Variants in METTL15 observed in about 807,000 individuals in gnomAD.
The protein encoded by METTL15 is methyltransferase 15, mitochondrial 12S rRNA N4-cytidine.
A neutral mutation model predicts 38.3 loss-of-function variants in METTL15; 34 were observed. That is an observed-to-expected ratio of 0.89 (90% CI 0.68 to 1.18). The LOEUF (loss-of-function observed/expected upper bound fraction) is 1.18. METTL15 is among the 50% of genes most tolerant of loss of function. The pLI is 0.00. For missense variants in METTL15, 438 were observed against 498.4 expected, an observed-to-expected ratio of 0.88 and a Z score of 1.15; for synonymous variants, 162 against 170.9, an observed-to-expected ratio of 0.95 and a Z score of 0.41.
At chr11:28,377,943 A>G (rs901575315) in intron 5 of METTL15, among the ~76,000 whole-genome samples, 41 of 152,004 alleles carry the variant, frequency 2.7e-4, no homozygotes, top group African/African-American at 8.9e-4. Flanking sequence ...TCCCTGCTGG[A>G]GGGTGCCTCC....
intron 6 of METTL15, among the ~76,000 whole-genome samples, chr11:28,435,976 A>G (rs899444984): frequency 1.3e-5 from 2 of 152,184 alleles, no homozygotes; most frequent in African/African-American, 2.4e-5. Flanking sequence ...TATTTTCTCT[A>G]TGTTCTTCTT....
chr11:28,151,237 A>G (rs1850078093), intron 3 of METTL15, among the ~76,000 whole-genome samples: 2 of 151,900 alleles, frequency 1.3e-5, no homozygotes, highest in Non-Finnish European at 2.9e-5. Flanking sequence ...AACTATTAGC[A>G]TACTTGACTG....
chr11:28,130,408 T>C (rs1852711286), intron 3 of METTL15, among the ~76,000 whole-genome samples: 1 of 152,074 alleles, frequency 6.6e-6, no homozygotes, highest in Admixed American at 6.6e-5. Flanking sequence ...ATCCAATAGG[T>C]AGGATAGTTT....
chr11:28,293,846 G>C (rs1285507575), intron 5 of METTL15, among the ~76,000 whole-genome samples: 12 of 152,058 alleles, frequency 7.9e-5, no homozygotes, highest in Non-Finnish European at 1.6e-4. Flanking sequence ...CTCATGATTT[G>C]GCTCTCTGTT....
intron 5 of METTL15, among the ~76,000 whole-genome samples, chr11:28,370,611 G>GT (rs909974322): frequency 2.0e-5 from 3 of 151,658 alleles, no homozygotes; most frequent in East Asian, 3.9e-4. Flanking sequence ...TTCTATTTTT[G>GT]TTTTTTTGAG....
At chr11:28,345,263 A>C (rs1229060068) in intron 3 of METTL15, among the ~76,000 whole-genome samples, 1 of 152,170 alleles carries the variant, frequency 6.6e-6, no homozygotes, top group Non-Finnish European at 1.5e-5. Context: ...ATCTCGGCCT[A>C]CTGCAACCTC....
chr11:28,490,972 ACT>A (rs1851489551), intron 6 of METTL15, among the ~76,000 whole-genome samples: 1 of 152,200 alleles, frequency 6.6e-6, no homozygotes, highest in African/African-American at 2.4e-5. Context: ...AAATAAAAAC[ACT>A]GTCTAAGTTT....
intron 3 of METTL15, among the ~76,000 whole-genome samples, chr11:28,174,676 G>A (rs540659758): frequency 9.9e-5 from 15 of 151,860 alleles, no homozygotes; most frequent in African/African-American, 1.9e-4. Flanking sequence ...ATTGCTGGGC[G>A]TGGTGGCAGG....
At chr11:28,199,371 G>C (rs904268153) in intron 3 of METTL15, among the ~76,000 whole-genome samples, 6 of 152,030 alleles carry the variant, frequency 3.9e-5, no homozygotes, top group Non-Finnish European at 1.5e-5. Context: ...TTCAAAATCT[G>C]TACCCAGCAA....
chr11:28,140,015 T>C (rs1450047941), intron 3 of METTL15, among the ~76,000 whole-genome samples: 1 of 152,192 alleles, frequency 6.6e-6, no homozygotes, highest in Non-Finnish European at 1.5e-5. Flanking sequence ...CTGCCCCATG[T>C]GGCTGTTGGA....
chr11:28,182,411 C>A (rs1311165741), intron 3 of METTL15, among the ~76,000 whole-genome samples: 2 of 152,058 alleles, frequency 1.3e-5, no homozygotes, highest in African/African-American at 4.8e-5. Flanking sequence ...AATCTTTAAT[C>A]CATCTTGAGT....
intron 6 of METTL15, among the ~76,000 whole-genome samples, chr11:28,460,433 T>G (rs546222378): frequency 1.3e-5 from 2 of 152,104 alleles, no homozygotes; most frequent in Non-Finnish European, 2.9e-5. Flanking sequence ...CAGAACTGGA[T>G]GATCTGTATT....
chr11:28,112,723 T>C (rs1408171636), intron 2 of METTL15, among the ~76,000 whole-genome samples: 1 of 152,180 alleles, frequency 6.6e-6, no homozygotes, highest in Non-Finnish European at 1.5e-5. Flanking sequence ...ACTCCACTGA[T>C]ACAGGGTACA....
At chr11:28,267,408 A>G (rs7943538) in intron 4 of METTL15, among the ~76,000 whole-genome samples, 57,236 of 152,008 alleles carry the variant, frequency 0.38, 12,319 homozygotes, top group African/African-American at 0.59. Context: ...TTACCTGCTC[A>G]ATAAGGCATA....
Position 28,426,780 on chromosome 11 carries a change from G to T in METTL15, c.*424+2416G>T, listed in dbSNP as rs1564928055. Reference sequence around the variant, plus strand: ...TGTCCTTTGCCCACTTTTTAATGGTGTTGTTTATTTTTTTTTTCTTGTAAA... The same window carrying T: ...TGTCCTTTGCCCACTTTTTAATGGTTTTGTTTATTTTTTTTTTCTTGTAAA... On this transcript the variant is annotated intron_variant and NMD_transcript_variant, in intron 6 of 7. Coordinates refer to the METTL15 transcript ENST00000532947. Among the ~76,000 whole-genome samples the T allele has an allele frequency of 2.0e-5, 3 of 151,042 alleles. No homozygotes were observed. In the East Asian group the frequency reaches 5.8e-4, roughly 29 times the overall value.
At chr11:28,175,013 T>C (rs1161505543) in intron 3 of METTL15, among the ~76,000 whole-genome samples, 1 of 152,030 alleles carries the variant, frequency 6.6e-6, no homozygotes, top group East Asian at 1.9e-4. Flanking sequence ...TAGTTACATA[T>C]GTATACATGT....
intron 4 of METTL15, among the ~76,000 whole-genome samples, chr11:28,355,479 A>G (rs1564904837): frequency 6.6e-6 from 1 of 152,220 alleles, no homozygotes; most frequent in Non-Finnish European, 1.5e-5. Context: ...TCATTGAAAG[A>G]AAAGATATAT....
At chr11:28,355,244 T>C (rs1850079607) in intron 4 of METTL15, among the ~76,000 whole-genome samples, 1 of 152,242 alleles carries the variant, frequency 6.6e-6, no homozygotes, top group Non-Finnish European at 1.5e-5. Context: ...TATGTCACTG[T>C]TCTGAAGGTG....
intron 4 of METTL15, among the ~76,000 whole-genome samples, chr11:28,288,355 C>T (rs1433216705): frequency 1.3e-5 from 2 of 152,112 alleles, no homozygotes; most frequent in African/African-American, 4.8e-5. Context: ...TGTAAAGACA[C>T]ATGTGCACAT....
Sources: gnomAD v4.1 joint callset for allele counts (sites outside exome capture counted in the v4.1 genomes callset) on GRCh38, gnomAD v4.1.1 for gene constraint, MANE v1.5 for transcripts, NCBI Gene and HGNC (gene_info 2026-07-23, HGNC 2026-07-21) for gene names.